The following DLC1 variants were observed in gnomAD, a reference collection of about 807,000 sequenced individuals.
DLC1 encodes the protein rho GTPase-activating protein 7.
Under a neutral mutation model 140.3 loss-of-function variants are expected in DLC1, and 54 were observed. The observed-to-expected ratio is 0.38, with a 90% confidence interval of 0.31 to 0.48. DLC1 has a LOEUF of 0.48. DLC1 is among the 20% of genes least tolerant of loss of function. The pLI, the probability that DLC1 is intolerant of heterozygous loss-of-function variation, is 0.96. For synonymous variants in DLC1, 986 were observed against 728.1 expected (o/e 1.35, Z -5.70); for missense variants, 2,536 against 1,907.0 (o/e 1.33, Z -6.14).
rs374307475 is a variant in DLC1, at chr8:13,165,787, C to G, written c.1349-50130G>C. Among the ~76,000 whole-genome samples the G allele has an allele frequency of 2.6e-5, 4 of 152,268 alleles. No individual in the cohort carries two copies. In the South Asian group the frequency reaches 8.3e-4, roughly 32 times the overall value. On this transcript the variant is annotated intron_variant, in intron 5 of 17. Transcript: ENST00000276297. ...GGCAATGATTCTCTTTCCACTCAGT[C>G]TTGTGGCCTTGACTAGCAGTAGGGT...
intron 1 of DLC1, among the ~76,000 whole-genome samples, chr8:13,555,750 G>T (rs1372836261): frequency 6.6e-6 from 1 of 151,168 alleles, no homozygotes; most frequent in Non-Finnish European, 1.5e-5. Context: ...GATCCTCTCC[G>T]CTTGGCCTCC....
intron 1 of DLC1, among the ~76,000 whole-genome samples, chr8:13,509,629 C>T (rs1585225090): frequency 6.6e-6 from 1 of 152,262 alleles, no homozygotes; most frequent in East Asian, 1.9e-4. Context: ...CGGTGTGTTA[C>T]TTAGAAGCTA....
At chr8:13,338,648 A>G (rs116527255) in intron 4 of DLC1, 144 of 152,256 alleles carry the variant, frequency 9.5e-4, no homozygotes, top group African/African-American at 3.3e-3. Flanking sequence ...TGAGAAGTCT[A>G]TTTCCCATGT....
intron 4 of DLC1, among the ~76,000 whole-genome samples, chr8:13,391,620 A>C (rs1300568584): frequency 6.6e-6 from 1 of 152,202 alleles, no homozygotes; most frequent in Non-Finnish European, 1.5e-5. Context: ...GTTACCATAA[A>C]AATGTATACG....
intron 5 of DLC1, among the ~76,000 whole-genome samples, chr8:13,258,511 A>T (rs544031473): frequency 6.6e-6 from 1 of 152,194 alleles, no homozygotes; most frequent in Non-Finnish European, 1.5e-5. Context: ...ACAAGAACAC[A>T]ATGGACTTTG....
intron 2 of DLC1, among the ~76,000 whole-genome samples, chr8:13,405,549 G>C (rs1264785053): frequency 6.6e-6 from 1 of 152,132 alleles, no homozygotes; most frequent in African/African-American, 2.4e-5. Flanking sequence ...CACTGGTAAA[G>C]TCGAGACTAG....
At chr8:13,549,253 G>A (rs966275216) in intron 1 of DLC1, among the ~76,000 whole-genome samples, 2 of 152,032 alleles carry the variant, frequency 1.3e-5, no homozygotes, top group Non-Finnish European at 2.9e-5. Context: ...ATACGTCCAT[G>A]AGTAATAGAA....
intron 2 of DLC1, among the ~76,000 whole-genome samples, chr8:13,477,700 T>C (rs1217429090): frequency 6.6e-6 from 1 of 152,140 alleles, no homozygotes; most frequent in Non-Finnish European, 1.5e-5. Flanking sequence ...CACTTCTACA[T>C]GCTGAGATGA....
chr8:13,326,435 T>A (rs2116925651), intron 4 of DLC1, among the ~76,000 whole-genome samples: 1 of 152,316 alleles, frequency 6.6e-6, no homozygotes, highest in Non-Finnish European at 1.5e-5. Flanking sequence ...TATTTATAAT[T>A]TTTTAAAGAA....
chr8:13,211,550 A>G (rs1827944546), intron 5 of DLC1, among the ~76,000 whole-genome samples: 1 of 152,218 alleles, frequency 6.6e-6, no homozygotes, highest in African/African-American at 2.4e-5. Context: ...TGGGGAAGAC[A>G]GAGAAGGAGA....
chr8:13,185,482 T>G (rs1363637288), intron 5 of DLC1, among the ~76,000 whole-genome samples: 1 of 151,956 alleles, frequency 6.6e-6, no homozygotes, highest in African/African-American at 2.4e-5. Context: ...TAATTTTTTG[T>G]ATTTTTAGTA....
chr8:13,179,801 A>G (rs1215257935), intron 5 of DLC1, among the ~76,000 whole-genome samples: 2 of 152,134 alleles, frequency 1.3e-5, no homozygotes, highest in Admixed American at 6.5e-5. Context: ...CAATAAAGAA[A>G]TAGATATTAA....
In DLC1 at chr8:13,221,347, T is replaced by C. The variant is rs561707492; in HGVS notation, c.1348+83922A>G. Among the ~76,000 whole-genome samples, 8 of 151,696 alleles carry C rather than the reference T, an allele frequency of 5.3e-5. No homozygotes were observed. In the East Asian group the frequency reaches 1.6e-3, roughly 29 times the overall value. Reference sequence around the variant, plus strand: ...GGCCTATTTTACTCAACAGGAAAAATTGCTTCCAAAGGTTTTCTTTTCTTT... The same window carrying C: ...GGCCTATTTTACTCAACAGGAAAAACTGCTTCCAAAGGTTTTCTTTTCTTT... On this transcript the variant is annotated intron_variant, in intron 5 of 17. Coordinates refer to ENST00000276297, the MANE Select transcript of DLC1 (RefSeq NM_182643.3).
intron 4 of DLC1, among the ~76,000 whole-genome samples, chr8:13,335,365 T>A (rs1022876193): frequency 1.3e-5 from 2 of 152,188 alleles, no homozygotes; most frequent in Admixed American, 1.3e-4. Context: ...GGGACTTATA[T>A]TCAGAGGGTA....
At chr8:13,597,253 C>G (rs1015335938) in intron 1 of DLC1, among the ~76,000 whole-genome samples, 6 of 151,958 alleles carry the variant, frequency 3.9e-5, no homozygotes, top group Non-Finnish European at 8.8e-5. Context: ...CAGCTTATAT[C>G]TCACATTTTA....
intron 17 of DLC1, 130 bp downstream of exon 17, chr8:13,086,160 T>G: frequency 1.5e-6 from 2 of 1,370,990 alleles, no homozygotes; most frequent in Non-Finnish European, 2.0e-6. Context: ...TGCTACTTTC[T>G]AAACACCATT....
intron 9 of DLC1, 118 bp downstream of exon 9, chr8:13,099,229 G>C: frequency 2.0e-6 from 3 of 1,476,070 alleles, no homozygotes; most frequent in Non-Finnish European, 2.7e-6. Flanking sequence ...ACCTTCCTTA[G>C]GAATGGACAT....
chr8:13,298,005 A>T lies in DLC1; in HGVS notation c.1348+7264T>A, dbSNP rs142685148. 3.3e-5 allele frequency among the ~76,000 whole-genome samples: 5 copies of T among 152,176 alleles called. No individual in the cohort carries two copies. The South Asian group carries it at 1.0e-3, about 32-fold the overall frequency. On this transcript the variant is annotated intron_variant, in intron 5 of 17. Transcript: ENST00000276297. Reference sequence around the variant, plus strand: ...TATGTTTACAAGGAGCTTGGAATAAAATTATGAAAATTCTGATTTTTCCCT... The same window carrying T: ...TATGTTTACAAGGAGCTTGGAATAATATTATGAAAATTCTGATTTTTCCCT...
At chr8:13,198,356 G>A (rs1419646270) in intron 5 of DLC1, among the ~76,000 whole-genome samples, 1 of 152,150 alleles carries the variant, frequency 6.6e-6, no homozygotes, top group Non-Finnish European at 1.5e-5. Context: ...GCAAAGGAGA[G>A]ATGCTGAGCC....
Sources: gnomAD v4.1 joint callset for allele counts (sites outside exome capture counted in the v4.1 genomes callset) on GRCh38, gnomAD v4.1.1 for gene constraint, MANE v1.5 for transcripts, NCBI Gene and HGNC (gene_info 2026-07-23, HGNC 2026-07-21) for gene names.